FGF14: variants seen among roughly 807,000 people sequenced by gnomAD.
The protein encoded by FGF14 is fibroblast growth factor homologous factor 4.
Under a neutral mutation model 25.5 loss-of-function variants are expected in FGF14, and 5 were observed. The ratio of observed to expected loss-of-function variants is 0.20; its 90% CI spans 0.10 to 0.41. FGF14 has a LOEUF of 0.41. Among genes scored for constraint, FGF14 ranks in the 10% least tolerant of loss-of-function variants. The pLI is 1.00. For synonymous variants in FGF14, 138 were observed against 118.3 expected (o/e 1.17, Z -1.08); for missense variants, 222 against 320.1 (o/e 0.69, Z 2.34).
At chr13:102,157,008 T>C (rs984749213) in intron 1 of FGF14, among the ~76,000 whole-genome samples, 1 of 152,012 alleles carries the variant, frequency 6.6e-6, no homozygotes, top group Non-Finnish European at 1.5e-5. Flanking sequence ...AAATAAAAGA[T>C]GACACAAACA....
chr13:102,240,864 TA>T (rs529933287), intron 1 of FGF14, among the ~76,000 whole-genome samples: 155 of 152,172 alleles, frequency 1.0e-3, no homozygotes, highest in African/African-American at 3.7e-3. Flanking sequence ...CCCTCTTATT[TA>T]AAAAAATTAT....
At chr13:102,133,262 T>C (rs775471845) in intron 1 of FGF14, among the ~76,000 whole-genome samples, 12 of 152,192 alleles carry the variant, frequency 7.9e-5, no homozygotes, top group Non-Finnish European at 1.6e-4. Context: ...TTATATACAA[T>C]TTAGAATAAT....
chr13:102,338,608 A>G (rs1437010473), intron 1 of FGF14, among the ~76,000 whole-genome samples: 1 of 152,230 alleles, frequency 6.6e-6, no homozygotes, highest in Non-Finnish European at 1.5e-5. Context: ...AATAGGAAAC[A>G]AAAGTGAGAA....
chr13:102,291,298 T>G (rs2054381579), intron 1 of FGF14, among the ~76,000 whole-genome samples: 1 of 152,216 alleles, frequency 6.6e-6, no homozygotes, highest in Admixed American at 6.5e-5. Context: ...GAAACTGTCT[T>G]TACAAATATT....
intron 3 of FGF14, among the ~76,000 whole-genome samples, chr13:101,804,786 T>C (rs2041105853): frequency 6.6e-6 from 1 of 152,178 alleles, no homozygotes; most frequent in Non-Finnish European, 1.5e-5. Flanking sequence ...GATTATCTTT[T>C]GTTTTACTTG....
At chr13:102,019,793 C>G (rs911618928) in intron 1 of FGF14, among the ~76,000 whole-genome samples, 18 of 152,104 alleles carry the variant, frequency 1.2e-4, no homozygotes, top group African/African-American at 4.1e-4. Context: ...ACTTTAAATA[C>G]AGAGCTGGGA....
At chr13:102,218,237 C>G (rs1391803496) in intron 1 of FGF14, among the ~76,000 whole-genome samples, 1 of 151,994 alleles carries the variant, frequency 6.6e-6, no homozygotes, top group Non-Finnish European at 1.5e-5. Flanking sequence ...ATAAAAAGCC[C>G]TGACCACAAA....
intron 1 of FGF14, among the ~76,000 whole-genome samples, chr13:102,097,925 C>T (rs942457281): frequency 6.6e-6 from 1 of 152,188 alleles, no homozygotes; most frequent in Admixed American, 6.5e-5. Flanking sequence ...CATTCGTCAC[C>T]ATCAGCAGTC....
At chr13:102,241,271 C>A (rs1456159849) in intron 1 of FGF14, among the ~76,000 whole-genome samples, 1 of 152,044 alleles carries the variant, frequency 6.6e-6, no homozygotes, top group Admixed American at 6.6e-5. Flanking sequence ...GGACAGATTA[C>A]ATGCATGTAT....
intron 1 of FGF14, among the ~76,000 whole-genome samples, chr13:102,080,365 G>A (rs622799): frequency 0.034 from 5,249 of 152,200 alleles, 279 homozygotes; most frequent in African/African-American, 0.12. Context: ...TGCCGGCGAC[G>A]TCAAGGATGA....
chr13:102,022,811 G>A (rs566860519), intron 1 of FGF14, among the ~76,000 whole-genome samples: 14 of 152,058 alleles, frequency 9.2e-5, no homozygotes, highest in Non-Finnish European at 1.6e-4. Flanking sequence ...ATTGTATTCC[G>A]TGTAAGTGCT....
chr13:101,804,774 A>G (rs1664153540), intron 3 of FGF14, among the ~76,000 whole-genome samples: 1 of 152,150 alleles, frequency 6.6e-6, no homozygotes, highest in Non-Finnish European at 1.5e-5. Context: ...AAACCAAAGA[A>G]AGATTATCTT....
chr13:101,838,111 C>T (rs2043012826), intron 3 of FGF14, among the ~76,000 whole-genome samples: 1 of 151,930 alleles, frequency 6.6e-6, no homozygotes, highest in African/African-American at 2.4e-5. Context: ...TGGGACCTCA[C>T]CTTGTGATCA....
intron 1 of FGF14, among the ~76,000 whole-genome samples, chr13:102,141,899 A>G (rs984887127): frequency 5.9e-5 from 9 of 152,230 alleles, no homozygotes; most frequent in Non-Finnish European, 1.2e-4. Flanking sequence ...GAGTTAAGAT[A>G]TGTAGATATG....
chr13:101,954,431 TTC>T (rs2036381249), intron 1 of FGF14, among the ~76,000 whole-genome samples: 1 of 152,236 alleles, frequency 6.6e-6, no homozygotes, highest in Non-Finnish European at 1.5e-5. Context: ...ACAGGCCCTC[TTC>T]TAAATTTTTG....
chr13:101,908,175 T>G (rs2139047294), intron 1 of FGF14, among the ~76,000 whole-genome samples: 1 of 152,196 alleles, frequency 6.6e-6, no homozygotes, highest in African/African-American at 2.4e-5. Context: ...CCCCCTGAGG[T>G]TATTGACTGT....
chr13:102,227,651 C>T, intron 1 of FGF14, among the ~76,000 whole-genome samples: 1 of 152,220 alleles, frequency 6.6e-6, no homozygotes. Context: ...TTTACTAATA[C>T]TTATCTATTA....
At position 102,400,913 on chromosome 13, in the gene FGF14, C is replaced by G. The variant is rs376932499; in HGVS notation, c.208+558G>C. On this transcript the variant is annotated intron_variant, in intron 1 of 4. Transcript: ENST00000376131. This position sits in a 1 kb window ranked among gnomAD's most constrained non-coding sequence, Gnocchi z 4.3. The stretch of plus-strand genomic sequence containing the variant: ...GGCAGACAGGGGGAATGAGTTAATG[C>G]TCGGGCACCCGGAGCTGGACGGGGG... Among the ~76,000 whole-genome samples the G allele has an allele frequency of 6.6e-6, 1 of 152,016 alleles. No homozygotes were observed. Among genetic ancestry groups the G allele is most frequent in the African/African-American group, 2.4e-5 (1 of 41,402 alleles).
At chr13:102,252,825 C>G (rs538542351) in intron 1 of FGF14, among the ~76,000 whole-genome samples, 1 of 152,100 alleles carries the variant, frequency 6.6e-6, no homozygotes, top group Non-Finnish European at 1.5e-5. Context: ...CCTTAGCTCC[C>G]CACCCCACAA....
Sources: gnomAD v4.1 joint callset for allele counts (sites outside exome capture counted in the v4.1 genomes callset) on GRCh38, gnomAD v4.1.1 for gene constraint, Gnocchi (gnomAD v3.1) non-coding constraint, MANE v1.5 for transcripts, NCBI Gene and HGNC (gene_info 2026-07-23, HGNC 2026-07-21) for gene names.